The following SUGCT variants were observed in gnomAD, a reference collection of about 807,000 sequenced individuals.
SUGCT encodes the protein succinyl-CoA:glutarate-CoA transferase.
A neutral mutation model predicts 55.0 loss-of-function variants in SUGCT; 41 were observed. The observed-to-expected ratio is 0.74, with a 90% CI of 0.58 to 0.97. The LOEUF (loss-of-function observed/expected upper bound fraction) is 0.97, where lower values mean the gene tolerates loss of function less well. SUGCT is among the 50% of genes least tolerant of loss of function. The pLI, the probability that SUGCT is intolerant of heterozygous loss-of-function variation, is 0.00. For missense variants in SUGCT, 568 were observed against 547.8 expected (o/e 1.04, Z -0.37); for synonymous variants, 187 against 200.4 (o/e 0.93, Z 0.56).
At chr7:40,371,207 G>GT (rs1583534928) in intron 9 of SUGCT, among the ~76,000 whole-genome samples, 1 of 152,216 alleles carries the variant, frequency 6.6e-6, no homozygotes, top group East Asian at 1.9e-4. Flanking sequence ...CTTGAAAAGA[G>GT]TTTTTTGCTG....
chr7:40,669,901 A>G (rs1801848278), intron 12 of SUGCT, among the ~76,000 whole-genome samples: 2 of 151,954 alleles, frequency 1.3e-5, no homozygotes, highest in South Asian at 4.1e-4. Flanking sequence ...TGAAAAGCTC[A>G]CCAAATTTGT....
chr7:40,601,770 G>A (rs907173278), intron 12 of SUGCT, among the ~76,000 whole-genome samples: 6 of 150,610 alleles, frequency 4.0e-5, no homozygotes, highest in African/African-American at 1.5e-4. Context: ...GCTATCTTTA[G>A]TGTTAGTGTA....
At chr7:41,004,310 T>A in the SUGCT span, among the ~76,000 whole-genome samples, 1 of 152,352 alleles carries the variant, frequency 6.6e-6, no homozygotes, top group East Asian at 1.9e-4. Context: ...GTCGAGAAGA[T>A]CCATTTCATT....
chr7:41,016,685 C>T, the SUGCT span, among the ~76,000 whole-genome samples: 1 of 152,182 alleles, frequency 6.6e-6, no homozygotes, highest in Non-Finnish European at 1.5e-5. Flanking sequence ...AGCCAGATGT[C>T]AACTGGGTCT....
chr7:40,503,898 G>T (rs1450570708), intron 12 of SUGCT, among the ~76,000 whole-genome samples: 1 of 152,128 alleles, frequency 6.6e-6, no homozygotes, highest in Non-Finnish European at 1.5e-5. Context: ...CAATGAATAT[G>T]ACCGAATGCT....
intron 12 of SUGCT, among the ~76,000 whole-genome samples, chr7:40,652,412 C>G (rs1237317443): frequency 6.6e-6 from 1 of 152,158 alleles, no homozygotes; most frequent in Non-Finnish European, 1.5e-5. Context: ...TGAAAAAATA[C>G]ATTTGTGATA....
intron 12 of SUGCT, among the ~76,000 whole-genome samples, chr7:40,642,335 G>A (rs1319997153): frequency 6.6e-6 from 1 of 152,210 alleles, no homozygotes; most frequent in Non-Finnish European, 1.5e-5. Context: ...TGAAAGTAGT[G>A]AAAGTTCTTC....
At chr7:40,837,894 G>C (rs762389044) in intron 13 of SUGCT, among the ~76,000 whole-genome samples, 1 of 152,182 alleles carries the variant, frequency 6.6e-6, no homozygotes, top group Non-Finnish European at 1.5e-5. Flanking sequence ...GATTACAAGC[G>C]TGAGCCACCA....
intron 13 of SUGCT, among the ~76,000 whole-genome samples, chr7:40,795,164 A>T (rs1790491713): frequency 6.6e-6 from 1 of 152,196 alleles, no homozygotes; most frequent in South Asian, 2.1e-4. Flanking sequence ...CATCTTTGAG[A>T]GTAGGATAAC....
intron 12 of SUGCT, among the ~76,000 whole-genome samples, chr7:40,655,476 T>C (rs1032600559): frequency 6.6e-6 from 1 of 152,138 alleles, no homozygotes; most frequent in African/African-American, 2.4e-5. Context: ...CTAAACTTCA[T>C]AGGAAAGCAG....
Position 40,732,652 on chromosome 7 carries a change from C to T in SUGCT, c.1090-16782C>T, listed in dbSNP as rs1786955146. Among the ~76,000 whole-genome samples the T allele has an allele frequency of 2.0e-5, 3 of 152,302 alleles. No individual in the cohort carries two copies. The South Asian group carries it at 6.2e-4, about 32-fold the overall frequency. On this transcript the variant is annotated intron_variant, in intron 12 of 13. Coordinates refer to ENST00000335693, the MANE Select transcript of SUGCT (RefSeq NM_001193313.2). The stretch of plus-strand genomic sequence containing the variant: ...GATCTGAATAAGAAGACACACCACA[C>T]AGCTGGAACTCAGAAGGCAGCACTC...
the SUGCT span, among the ~76,000 whole-genome samples, chr7:40,942,202 C>T: frequency 6.6e-6 from 1 of 152,066 alleles, no homozygotes; most frequent in Admixed American, 6.6e-5. Context: ...TGCATATGGA[C>T]CTTTTGTTTC....
intron 10 of SUGCT, among the ~76,000 whole-genome samples, chr7:40,453,344 G>A (rs996488406): frequency 6.6e-6 from 1 of 152,154 alleles, no homozygotes; most frequent in Non-Finnish European, 1.5e-5. Context: ...TGGGGAGTGG[G>A]ATAACTAAAG....
chr7:40,817,382 C>T (rs1169213687), intron 13 of SUGCT, among the ~76,000 whole-genome samples: 1 of 152,006 alleles, frequency 6.6e-6, no homozygotes, highest in East Asian at 1.9e-4. Flanking sequence ...GGGGAAAAAA[C>T]CCTGAATAAG....
At chr7:41,010,720 A>G in the SUGCT span, among the ~76,000 whole-genome samples, 2 of 152,202 alleles carry the variant, frequency 1.3e-5, no homozygotes, top group South Asian at 2.1e-4. Context: ...TCAAAATCCA[A>G]TTAGGATACC....
chr7:40,367,159 G>A (rs1347942862), intron 9 of SUGCT, among the ~76,000 whole-genome samples: 6 of 150,376 alleles, frequency 4.0e-5, no homozygotes, highest in South Asian at 2.1e-4. Context: ...GTAAACTATC[G>A]CAAGGACAAA....
chr7:40,503,881 G>A (rs1562822738), intron 12 of SUGCT, among the ~76,000 whole-genome samples: 1 of 152,152 alleles, frequency 6.6e-6, no homozygotes, highest in East Asian at 1.9e-4. Context: ...GCAATATTAA[G>A]TTATTGCAAT....
chr7:40,436,331 C>T (rs1400530790), intron 9 of SUGCT, among the ~76,000 whole-genome samples: 1 of 152,132 alleles, frequency 6.6e-6, no homozygotes, highest in Non-Finnish European at 1.5e-5. Context: ...TCTAATGCCA[C>T]TTTAGGTCTA....
At chr7:41,034,154 T>C in the SUGCT span, among the ~76,000 whole-genome samples, 285 of 152,306 alleles carry the variant, frequency 1.9e-3, 1 homozygote, top group African/African-American at 6.5e-3. Context: ...AACTTAATTA[T>C]ACTTGTCATG....
Sources: allele counts gnomAD v4.1 joint callset (sites outside exome capture counted in the v4.1 genomes callset), GRCh38; gene constraint gnomAD v4.1.1; transcripts MANE v1.5; gene names NCBI Gene and HGNC (gene_info 2026-07-23, HGNC 2026-07-21).